LHFPL6: variants seen among roughly 807,000 people sequenced by gnomAD.
LHFPL6 encodes the protein LHFPL tetraspan subfamily member 6.
A neutral mutation model predicts 20.6 loss-of-function variants in LHFPL6; 9 were observed. The observed-to-expected ratio is 0.44, with a 90% CI of 0.26 to 0.76. The LOEUF is 0.76. Among genes scored for constraint, LHFPL6 ranks in the 30% least tolerant of loss-of-function variants. The pLI, the probability that LHFPL6 is intolerant of heterozygous loss-of-function variation, is 0.20. For synonymous variants in LHFPL6, 105 were observed against 98.7 expected, an observed-to-expected ratio of 1.06 and a Z score of -0.38; for missense variants, 218 against 253.5, an observed-to-expected ratio of 0.86 and a Z score of 0.95.
chr13:39,491,086 A>G (rs1030174917), intron 2 of LHFPL6, among the ~76,000 whole-genome samples: 1 of 152,244 alleles, frequency 6.6e-6, no homozygotes, highest in Admixed American at 6.5e-5. Flanking sequence ...ACCATGGCAC[A>G]TATACACTAC....
intron 2 of LHFPL6, among the ~76,000 whole-genome samples, chr13:39,542,133 A>ATAAT (rs57877231): frequency 2.9e-5 from 4 of 138,766 alleles, no homozygotes; most frequent in Admixed American, 7.1e-5. Flanking sequence ...AATAATAATA[A>ATAAT]AATAAAAATG....
At chr13:39,526,107 C>T (rs754383922) in intron 2 of LHFPL6, among the ~76,000 whole-genome samples, 12 of 151,998 alleles carry the variant, frequency 7.9e-5, no homozygotes, top group Non-Finnish European at 1.3e-4. Flanking sequence ...TTATCATATC[C>T]CCAAATAGAT....
intron 2 of LHFPL6, among the ~76,000 whole-genome samples, chr13:39,435,096 TCAA>T (rs1333433789): frequency 2.6e-5 from 3 of 116,552 alleles, no homozygotes; most frequent in Admixed American, 8.8e-5. Flanking sequence ...AAGAAGTAAA[TCAA>T]CCTCAGCACA....
At chr13:39,467,397 A>G (rs1022816228) in intron 2 of LHFPL6, among the ~76,000 whole-genome samples, 2 of 152,214 alleles carry the variant, frequency 1.3e-5, no homozygotes, top group South Asian at 2.1e-4. Context: ...GCAAGTCCAC[A>G]GGGTTAAGGA....
At chr13:39,393,021 T>C (rs1870750078) in intron 2 of LHFPL6, among the ~76,000 whole-genome samples, 1 of 152,158 alleles carries the variant, frequency 6.6e-6, no homozygotes, top group South Asian at 2.1e-4. Context: ...TATATTATAT[T>C]AGGTATTACA....
chr13:39,509,729 G>C (rs1012970261), intron 2 of LHFPL6, among the ~76,000 whole-genome samples: 1 of 152,154 alleles, frequency 6.6e-6, no homozygotes, highest in Non-Finnish European at 1.5e-5. Flanking sequence ...GGAGGCTGAG[G>C]AGGGAGGATC....
At chr13:39,501,427 C>T (rs1178165403) in intron 2 of LHFPL6, among the ~76,000 whole-genome samples, 3 of 152,062 alleles carry the variant, frequency 2.0e-5, no homozygotes, top group Non-Finnish European at 4.4e-5. Flanking sequence ...TTCCTTCTGC[C>T]TCCCGAATTC....
chr13:39,484,870 AGGTGACT>A (rs1368400540), intron 2 of LHFPL6, among the ~76,000 whole-genome samples: 1 of 152,220 alleles, frequency 6.6e-6, no homozygotes, highest in African/African-American at 2.4e-5. Context: ...AGATTTGTGT[AGGTGACT>A]GCCTACCATC....
At chr13:39,349,701 C>A (rs1005660698) in intron 3 of LHFPL6, among the ~76,000 whole-genome samples, 1 of 152,142 alleles carries the variant, frequency 6.6e-6, no homozygotes, top group Non-Finnish European at 1.5e-5. Context: ...AAGTGATCTA[C>A]GTAGTGCGGT....
At chr13:39,447,894 C>A (rs551290998) in intron 2 of LHFPL6, among the ~76,000 whole-genome samples, 1 of 152,322 alleles carries the variant, frequency 6.6e-6, no homozygotes, top group Admixed American at 6.5e-5. Flanking sequence ...GGAGGGAATT[C>A]ATCTGGGGAT....
At chr13:39,534,665 A>G (rs180872943) in intron 2 of LHFPL6, among the ~76,000 whole-genome samples, 42 of 152,340 alleles carry the variant, frequency 2.8e-4, no homozygotes, top group South Asian at 2.3e-3. Context: ...AGTGATACTC[A>G]AGAAAATGGC....
At chr13:39,398,003 G>T (rs1179369221) in intron 2 of LHFPL6, among the ~76,000 whole-genome samples, 1 of 152,164 alleles carries the variant, frequency 6.6e-6, no homozygotes, top group African/African-American at 2.4e-5. Context: ...GTGTTTTAGG[G>T]TGGAGGCAGC....
chr13:39,561,975 A>C (rs761736217), intron 2 of LHFPL6, among the ~76,000 whole-genome samples: 2 of 152,228 alleles, frequency 1.3e-5, no homozygotes, highest in African/African-American at 2.4e-5. Flanking sequence ...GTCAATAATT[A>C]GCAGGATGAG....
intron 1 of LHFPL6, among the ~76,000 whole-genome samples, 151 bp from the exon 2 acceptor site, chr13:39,601,541 T>C (rs1163751692): frequency 6.6e-6 from 1 of 152,264 alleles, no homozygotes; most frequent in Non-Finnish European, 1.5e-5. Context: ...ATGAGCTTCA[T>C]AACTCGATTT....
At chr13:39,549,230 A>G (rs1002017143) in intron 2 of LHFPL6, among the ~76,000 whole-genome samples, 3 of 152,170 alleles carry the variant, frequency 2.0e-5, no homozygotes, top group Non-Finnish European at 4.4e-5. Context: ...GAAAGTGCAA[A>G]GGCAGTTCTA....
chr13:39,594,887 T>C (rs953236635), intron 2 of LHFPL6, among the ~76,000 whole-genome samples: 2 of 152,110 alleles, frequency 1.3e-5, no homozygotes, highest in African/African-American at 4.8e-5. Flanking sequence ...AAACACCGCA[T>C]GTTCTCACTC....
chr13:39,434,465 TTA>T (rs1282877322), intron 2 of LHFPL6, among the ~76,000 whole-genome samples: 1 of 152,200 alleles, frequency 6.6e-6, no homozygotes, highest in Non-Finnish European at 1.5e-5. Flanking sequence ...CCTTTGCATA[TTA>T]TATATGTTAT....
Position 39,352,950 on chromosome 13 carries a change from T to A in LHFPL6, c.485-8896A>T, listed in dbSNP as rs11618438. Among the ~76,000 whole-genome samples, 6 of 104,066 alleles carry A rather than the reference T, an allele frequency of 5.8e-5. 1 individual carries two copies. Among genetic ancestry groups the A allele is most frequent in the African/African-American group, 2.6e-4 (6 of 22,914 alleles). 68.3% of individuals were successfully genotyped at this position (104,066 alleles called of 152,430 possible). Reference sequence around the variant, plus strand: ...ATGTATATATATGTGTGTATATATATATACATACATACACACACACACATA... The same window carrying A: ...ATGTATATATATGTGTGTATATATAAATACATACATACACACACACACATA... On this transcript the variant is annotated intron_variant, in intron 3 of 3. Transcript: ENST00000379589.
chr13:39,525,080 T>C (rs927130638), intron 2 of LHFPL6, among the ~76,000 whole-genome samples: 1 of 152,188 alleles, frequency 6.6e-6, no homozygotes, highest in Non-Finnish European at 1.5e-5. Flanking sequence ...GAGGGCCACC[T>C]ATGATAAATG....
Sources: gnomAD v4.1 joint callset for allele counts (sites outside exome capture counted in the v4.1 genomes callset) on GRCh38, gnomAD v4.1.1 for gene constraint, MANE v1.5 for transcripts, NCBI Gene and HGNC (gene_info 2026-07-23, HGNC 2026-07-21) for gene names.